DYRK3: variants seen among roughly 807,000 people sequenced by gnomAD.
DYRK3 encodes the protein dual specificity tyrosine-phosphorylation-regulated kinase 3.
Under a neutral mutation model 40.8 loss-of-function variants are expected in DYRK3, and 30 were observed. That is an observed-to-expected ratio of 0.74 (90% CI 0.55 to 1.00). DYRK3 has a LOEUF of 1.00. DYRK3 is among the 50% of genes least tolerant of loss of function. The probability of loss-of-function intolerance (pLI) is 0.00; values close to 1 mark genes in which losing one functional copy is unlikely to be tolerated. For missense variants in DYRK3, 699 were observed against 731.5 expected, an observed-to-expected ratio of 0.96 and a Z score of 0.51; for synonymous variants, 272 against 260.7, an observed-to-expected ratio of 1.04 and a Z score of -0.42.
rs1671526195 is a variant in DYRK3 at position 206,648,317 on chromosome 1, G to C, written c.1119G>C (p.Arg373=). The part of the protein sequence containing the change: ...YQKLYTYIQS[R]FYRAPEIILG... ...AGCTCTACACATATATCCAGTCTCG[G>C]TTCTACAGAGCTCCAGAAATCATCT... The change falls in exon 3 of 3, where the codon CGG becomes CGC. Residue 373 remains arginine (R), a synonymous_variant. Transcript: ENST00000367109. 1 of 1,614,154 alleles carries C rather than the reference G, an allele frequency of 6.2e-7. No individual in the cohort carries two copies.
At chr1:206,644,381 TTC>T (rs1360287835) in intron 2 of DYRK3, among the ~76,000 whole-genome samples, 2 of 152,084 alleles carry the variant, frequency 1.3e-5, no homozygotes, top group Non-Finnish European at 2.9e-5. Flanking sequence ...AACCCAGGCC[TTC>T]TGACTCCCTG....
At chr1:206,636,111 G>C (rs146131441) in intron 1 of DYRK3, 25 of 1,376,078 alleles carry the variant, frequency 1.8e-5, no homozygotes, top group Middle Eastern at 1.9e-4. Flanking sequence ...TTATTAAAGG[G>C]GGGGAGCCCG....
At chr1:206,638,817 C>A (rs1240587190) in intron 2 of DYRK3, among the ~76,000 whole-genome samples, 1 of 149,314 alleles carries the variant, frequency 6.7e-6, no homozygotes, top group African/African-American at 2.5e-5. Context: ...AAAATCACTT[C>A]TATTTTTCAT....
rs1671707337 is a variant in DYRK3, at chr1:206,654,616, T to C, written c.*5651T>C. Reference sequence around the variant, plus strand: ...TCCAGACCTGGCCTTCAGCCTAATATGATTAGGGTGTTTTTCTGAGTGTCT... The same window carrying C: ...TCCAGACCTGGCCTTCAGCCTAATACGATTAGGGTGTTTTTCTGAGTGTCT... On this transcript the variant is annotated 3_prime_UTR_variant, in exon 3 of 3. Coordinates refer to ENST00000367109, the MANE Select transcript of DYRK3 (RefSeq NM_003582.4). 6.6e-6 allele frequency among the ~76,000 whole-genome samples: 1 copy of C among 152,208 alleles called. No homozygotes were observed. The highest frequency in any genetic ancestry group is 2.4e-5 in the African/African-American group (1 of 41,448).
Position 206,635,903 on chromosome 1 carries a change from C to G in DYRK3, c.77+123C>G, listed in dbSNP as rs1409150848. 1.0e-5 allele frequency: 13 copies of G among 1,288,842 alleles called. No homozygotes were observed. In the African/African-American group the frequency reaches 1.7e-4, roughly 17 times the overall value. 79.8% of individuals were successfully genotyped at this position (1,288,842 alleles called of 1,614,324 possible). On this transcript the variant is annotated intron_variant, in intron 1 of 2. Transcript: ENST00000367109. ...CAGTAGGAGGGACGAGGGCAGGGGT[C>G]TGACTGCCTCCCCGGGACCGCCCCC...
At chr1:206,640,511 G>A (rs1671257534) in intron 2 of DYRK3, among the ~76,000 whole-genome samples, 2 of 150,688 alleles carry the variant, frequency 1.3e-5, no homozygotes, top group South Asian at 4.2e-4. Flanking sequence ...TGAGTGAGAA[G>A]GATATTCCTT....
rs782681199 is a variant in DYRK3 at position 206,648,576 on chromosome 1, G to A, written c.1378G>A (p.Gly460Arg). 1 of 1,614,024 alleles carries A rather than the reference G, an allele frequency of 6.2e-7. No individual in the cohort carries two copies. Among genetic ancestry groups the A allele is most frequent in the African/African-American group, 1.3e-5 (1 of 74,918 alleles). ...CTGCTCTGTGACTACCCAGGCAGATGGGAGGGTTGTGCTTGTGGGGGGTCG... is the reference window on the plus strand; with the variant it reads ...CTGCTCTGTGACTACCCAGGCAGATAGGAGGGTTGTGCTTGTGGGGGGTCG... ...RYCSVTTQAD[G>R]RVVLVGGRSR... The change falls in exon 3 of 3, where the codon GGG (glycine) becomes AGG (arginine). Residue 460 changes from glycine (G) to arginine (R), a missense_variant. Transcript: ENST00000367109.
In DYRK3 at chr1:206,651,722, A is replaced by G. The variant is rs1313604620; in HGVS notation, c.*2757A>G. On this transcript the variant is annotated 3_prime_UTR_variant, in exon 3 of 3. Coordinates refer to ENST00000367109, the MANE Select transcript of DYRK3 (RefSeq NM_003582.4). ...TCCTTGAAGTCCAGAGCAGGATCCAAGTCAGATGAAGGAGGTGGCACACCT... is the reference window on the plus strand; with the variant it reads ...TCCTTGAAGTCCAGAGCAGGATCCAGGTCAGATGAAGGAGGTGGCACACCT... Among the ~76,000 whole-genome samples the G allele has an allele frequency of 6.6e-6, 1 of 152,222 alleles. No individual in the cohort carries two copies. The highest frequency in any genetic ancestry group is 1.5e-5 in the Non-Finnish European group (1 of 68,036).
chr1:206,648,524 T>C lies in DYRK3; in HGVS notation c.1326T>C (p.Phe442=), dbSNP rs1553420751. 1.2e-6 allele frequency: 2 copies of C among 1,614,154 alleles called. No homozygotes were observed. The highest frequency in any genetic ancestry group is 2.2e-5 in the South Asian group (2 of 91,082). The change falls in exon 3 of 3, where the codon TTT becomes TTC. Residue 442 remains phenylalanine (F), a synonymous_variant. Transcript: ENST00000367109. ...LLEQSKRAKY[F]INSKGIPRYC... ...AGCAATCCAAACGTGCCAAGTACTT[T>C]ATTAATTCCAAGGGCATACCCCGCT...
rs199630138 is a variant in DYRK3 at position 206,648,774 on chromosome 1, G to C, written c.1576G>C (p.Val526Leu). 33 of 1,614,054 alleles carry C rather than the reference G, an allele frequency of 2.0e-5. No individual in the cohort carries two copies. The South Asian group carries it at 3.6e-4, about 18-fold the overall frequency. Reference sequence around the variant, plus strand: ...AAGACACCCTTGGATTAGCAAGTCTGTCCCCAGACCTCTCACCACCATAGA... The same window carrying C: ...AAGACACCCTTGGATTAGCAAGTCTCTCCCCAGACCTCTCACCACCATAGA... ...ALRHPWISKS[V>L]PRPLTTIDKV... Residue 526 changes from valine to leucine, a missense_variant, in exon 3 of 3, where the codon GTC (valine) becomes CTC (leucine). Physicochemically the swap from Val to Leu is conservative, Grantham distance 32. Coordinates refer to ENST00000367109, the MANE Select transcript of DYRK3 (RefSeq NM_003582.4).
In DYRK3 at chr1:206,648,700, G is replaced by C. The variant is rs782557396; in HGVS notation, c.1502G>C (p.Arg501Thr). The C allele has an allele frequency of 1.2e-6, 2 of 1,613,876 alleles. No homozygotes were observed. The highest frequency in any genetic ancestry group is 2.7e-5 in the African/African-American group (2 of 74,886). The change falls in exon 3 of 3, where the codon AGG becomes ACG. Residue 501 changes from arginine to threonine, a missense_variant. Arg to Thr is a moderately conservative substitution (Grantham distance 71). Transcript: ENST00000367109. ...TACTTGTTTATAGAGTTCTTGAAAA[G>C]GTGTCTTCACTGGGACCCCTCTGCC... ...DDYLFIEFLK[R>T]CLHWDPSARL...
chr1:206,641,296 T>C (rs1170978301), intron 2 of DYRK3, among the ~76,000 whole-genome samples: 2 of 152,182 alleles, frequency 1.3e-5, no homozygotes, highest in Non-Finnish European at 2.9e-5. Context: ...ATCGTCTTCA[T>C]AGCTTTGCTC....
Position 206,651,188 on chromosome 1 carries a change from T to C in DYRK3, c.*2223T>C, listed in dbSNP as rs532263030. On this transcript the variant is annotated 3_prime_UTR_variant, in exon 3 of 3. Transcript: ENST00000367109. ...ATGCTGCTCATAACCCATCCTCCTC[T>C]TCTTTATTCATCACTGCCTTCTTCA... 3.7e-4 allele frequency among the ~76,000 whole-genome samples: 57 copies of C among 152,312 alleles called. No individual in the cohort carries two copies. Among genetic ancestry groups the C allele is most frequent in the South Asian group, 2.1e-3 (10 of 4,832 alleles).
At chr1:206,643,825 G>A (rs956619379) in intron 2 of DYRK3, among the ~76,000 whole-genome samples, 7 of 152,250 alleles carry the variant, frequency 4.6e-5, no homozygotes, top group Admixed American at 3.3e-4. Flanking sequence ...GAGAAAAGGG[G>A]AAGGGGAAGG....
In DYRK3 at chr1:206,652,131, C is replaced by T. The variant is rs927872857; in HGVS notation, c.*3166C>T. Among the ~76,000 whole-genome samples the T allele has an allele frequency of 2.0e-5, 3 of 152,204 alleles. No homozygotes were observed. Among genetic ancestry groups the T allele is most frequent in the Non-Finnish European group, 2.9e-5 (2 of 68,042 alleles). On this transcript the variant is annotated 3_prime_UTR_variant, in exon 3 of 3. Transcript: ENST00000367109. Reference sequence around the variant, plus strand: ...TGGCAGCAAGGCTATATCTGATTGACACAGATCTGAAGTCTCTAACACCAT... The same window carrying T: ...TGGCAGCAAGGCTATATCTGATTGATACAGATCTGAAGTCTCTAACACCAT...
In DYRK3 at chr1:206,635,745, G is replaced by A. The variant is rs1553418184; in HGVS notation, c.42G>A (p.Gly14=). ...TARGPGRKDA[G]PPGAGLPPQQ... ...GTGGGCCTGGGCGGAAGGATGCGGGGCCGCCTGGGGCCGGGCTCCCGCCCC... is the reference window on the plus strand; with the variant it reads ...GTGGGCCTGGGCGGAAGGATGCGGGACCGCCTGGGGCCGGGCTCCCGCCCC... Residue 14 remains glycine, a synonymous_variant, in exon 1 of 3, where the codon GGG becomes GGA. Transcript: ENST00000367109. The A allele has an allele frequency of 7.2e-6, 9 of 1,244,958 alleles. No homozygotes were observed. Among genetic ancestry groups the A allele is most frequent in the Non-Finnish European group, 5.1e-6 (5 of 988,976 alleles). The allele number at this position is 1,244,958 out of a possible 1,614,324, so 77.1% of individuals were successfully genotyped here.
rs376618812 is a variant in DYRK3 at position 206,637,710 on chromosome 1, T to G, written c.138T>G (p.Cys46Trp). Residue 46 changes from cysteine (C) to tryptophan (W), a missense_variant, in exon 2 of 3, where the codon TGT (cysteine) becomes TGG (tryptophan). By Grantham distance (215) the Cys-to-Trp change is radical. Coordinates refer to ENST00000367109, the MANE Select transcript of DYRK3 (RefSeq NM_003582.4). ...TAGATGAAACCAAATGTCCCCCCTG[T>G]TCAAATGTACTCTGCAATCCTTCTG... is the stretch of plus-strand genomic sequence containing the variant. ...MMIDETKCPPCSNVLCNPSEP... is the reference protein window; with the variant it reads ...MMIDETKCPPWSNVLCNPSEP... The G allele has an allele frequency of 4.0e-5, 65 of 1,614,000 alleles. No homozygotes were observed. The highest frequency in any genetic ancestry group is 5.4e-5 in the Non-Finnish European group (64 of 1,180,012).
chr1:206,639,766 T>C (rs1294180982), intron 2 of DYRK3, among the ~76,000 whole-genome samples: 1 of 151,904 alleles, frequency 6.6e-6, no homozygotes, highest in East Asian at 1.9e-4. Flanking sequence ...AGCCAAGTCA[T>C]TTTTACTTTG....
intron 2 of DYRK3, 58 bp downstream of exon 2, chr1:206,637,819 C>A: frequency 7.3e-7 from 1 of 1,376,074 alleles, no homozygotes; most frequent in Non-Finnish European, 1.0e-6. Flanking sequence ...GGAAGTGCTA[C>A]TTAATGCTCA....
Sources: allele counts gnomAD v4.1 joint callset (sites outside exome capture counted in the v4.1 genomes callset), GRCh38; gene constraint gnomAD v4.1.1; transcripts MANE v1.5; gene names NCBI Gene and HGNC (gene_info 2026-07-23, HGNC 2026-07-21).